Variants in CHCHD3 observed in about 807,000 individuals in gnomAD.
The protein encoded by CHCHD3 is MICOS complex subunit MIC19.
In CHCHD3, 20 loss-of-function variants were observed where a neutral mutation model predicts 38.2. The ratio of observed to expected loss-of-function variants is 0.52; its 90% CI spans 0.37 to 0.76. The LOEUF (loss-of-function observed/expected upper bound fraction) is 0.76. Among genes scored for constraint, CHCHD3 ranks in the 30% least tolerant of loss-of-function variants. The pLI, the probability that CHCHD3 is intolerant of heterozygous loss-of-function variation, is 0.00. For synonymous variants in CHCHD3, 82 were observed against 100.0 expected, an observed-to-expected ratio of 0.82 and a Z score of 1.07; for missense variants, 245 against 279.2, an observed-to-expected ratio of 0.88 and a Z score of 0.87.
chr7:132,811,633 T>C (rs1807072336), intron 6 of CHCHD3, among the ~76,000 whole-genome samples: 1 of 152,198 alleles, frequency 6.6e-6, no homozygotes, highest in Admixed American at 6.5e-5. Flanking sequence ...GGCCTCTAAG[T>C]GGTCAAATCC....
intron 4 of CHCHD3, among the ~76,000 whole-genome samples, chr7:132,947,007 C>G (rs1810918492): frequency 6.6e-6 from 1 of 151,862 alleles, no homozygotes; most frequent in Non-Finnish European, 1.5e-5. Context: ...CAGTTATAAA[C>G]CTTTCCTCTT....
chr7:133,075,588 G>A (rs1443985138), intron 1 of CHCHD3, among the ~76,000 whole-genome samples: 1 of 152,194 alleles, frequency 6.6e-6, no homozygotes, highest in Non-Finnish European at 1.5e-5. Context: ...ACACTCACCT[G>A]ATCTCCTCTG....
chr7:133,025,517 T>G (rs1300904537), intron 2 of CHCHD3, among the ~76,000 whole-genome samples: 1 of 152,206 alleles, frequency 6.6e-6, no homozygotes, highest in Non-Finnish European at 1.5e-5. Context: ...TCTTTGTTTG[T>G]TTGTTGAGAC....
rs535840752 is a variant in CHCHD3 at position 132,887,465 on chromosome 7, A to G, written c.370-1720T>C. On this transcript the variant is annotated intron_variant, in intron 4 of 7. Coordinates refer to ENST00000262570, the MANE Select transcript of CHCHD3 (RefSeq NM_017812.4). ...AAAGAAAATGAAAAAGAATAGACTC[A>G]TAAGAAACTGCATAAAACAAAAGCA... Among the ~76,000 whole-genome samples the G allele has an allele frequency of 2.1e-4, 32 of 151,836 alleles. 3 individuals are homozygous for G. The highest frequency in any genetic ancestry group is 7.2e-4 in the African/African-American group (30 of 41,558).
intron 2 of CHCHD3, among the ~76,000 whole-genome samples, chr7:133,069,796 A>G (rs867561976): frequency 6.6e-6 from 1 of 152,230 alleles, no homozygotes; most frequent in Non-Finnish European, 1.5e-5. Context: ...TAGCAAATCA[A>G]TATTTTCTAA....
chr7:132,793,445 C>A (rs995637041), intron 7 of CHCHD3, among the ~76,000 whole-genome samples: 6 of 152,216 alleles, frequency 3.9e-5, no homozygotes, highest in African/African-American at 1.4e-4. Flanking sequence ...TATTTAATAT[C>A]TCTTTACCCT....
Position 132,919,772 on chromosome 7 carries a change from C to T in CHCHD3, c.370-34027G>A, listed in dbSNP as rs144483022. Among the ~76,000 whole-genome samples, 3 of 152,258 alleles carry T rather than the reference C, an allele frequency of 2.0e-5. No homozygotes were observed. In the East Asian group the frequency reaches 5.8e-4, roughly 29 times the overall value. On this transcript the variant is annotated intron_variant, in intron 4 of 7. Transcript: ENST00000262570. ...TTGCTTCAGCTTTGGCGACTGTGCT[C>T]CTTGGGACCCAAACCGTTAACTCCA...
intron 5 of CHCHD3, among the ~76,000 whole-genome samples, chr7:132,850,813 A>T (rs1808203415): frequency 6.6e-6 from 1 of 152,362 alleles, no homozygotes; most frequent in African/African-American, 2.4e-5. Context: ...AAAGAATTAC[A>T]GTGCCACTGG....
chr7:132,881,234 C>G (rs989615729), intron 5 of CHCHD3, among the ~76,000 whole-genome samples: 4 of 152,124 alleles, frequency 2.6e-5, no homozygotes, highest in Admixed American at 1.3e-4. Context: ...ATATCAGACT[C>G]CTGGGTGAAG....
chr7:132,864,478 ATAT>A (rs1370476383), intron 5 of CHCHD3, among the ~76,000 whole-genome samples: 2 of 152,240 alleles, frequency 1.3e-5, no homozygotes, highest in African/African-American at 2.4e-5. Flanking sequence ...AAAGTTTGAA[ATAT>A]TATGGGAACT....
chr7:132,966,929 G>A (rs1811479713), intron 4 of CHCHD3, among the ~76,000 whole-genome samples: 1 of 152,124 alleles, frequency 6.6e-6, no homozygotes, highest in Non-Finnish European at 1.5e-5. Context: ...CAACAGACCA[G>A]GCAATGAAGT....
intron 5 of CHCHD3, among the ~76,000 whole-genome samples, chr7:132,862,097 G>GATGC (rs1808508118): frequency 6.6e-6 from 1 of 151,742 alleles, no homozygotes. Context: ...TGGATGGATG[G>GATGC]ATGGATGGAT....
intron 6 of CHCHD3, among the ~76,000 whole-genome samples, chr7:132,825,464 A>G (rs1454788284): frequency 6.6e-6 from 1 of 152,180 alleles, no homozygotes; most frequent in Non-Finnish European, 1.5e-5. Context: ...AGTCATGACA[A>G]AGCATTTGGT....
At chr7:132,932,605 C>T (rs970226624) in intron 4 of CHCHD3, among the ~76,000 whole-genome samples, 1 of 152,194 alleles carries the variant, frequency 6.6e-6, no homozygotes, top group Non-Finnish European at 1.5e-5. Context: ...GTTAAGCTGC[C>T]GCACACAGGG....
intron 4 of CHCHD3, among the ~76,000 whole-genome samples, chr7:132,939,092 T>A (rs1810700508): frequency 6.6e-6 from 1 of 152,208 alleles, no homozygotes; most frequent in Non-Finnish European, 1.5e-5. Flanking sequence ...ATAAAACTGG[T>A]CTCGGTCAAC....
chr7:132,918,341 C>A (rs1201253086), intron 4 of CHCHD3, among the ~76,000 whole-genome samples: 3 of 152,144 alleles, frequency 2.0e-5, no homozygotes, highest in Non-Finnish European at 4.4e-5. Flanking sequence ...TGAAGCTAAC[C>A]ATCGGACCCT....
At chr7:133,019,223 C>T (rs1317632553) in intron 3 of CHCHD3, among the ~76,000 whole-genome samples, 1 of 152,086 alleles carries the variant, frequency 6.6e-6, no homozygotes, top group Non-Finnish European at 1.5e-5. Context: ...ATGATGCTAC[C>T]CACAAACTCC....
At chr7:132,921,602 A>G (rs1218269718) in intron 4 of CHCHD3, among the ~76,000 whole-genome samples, 1 of 151,714 alleles carries the variant, frequency 6.6e-6, no homozygotes, top group African/African-American at 2.4e-5. Flanking sequence ...ACCTTTATTA[A>G]ATACAAAACA....
At chr7:132,979,967 A>T (rs1203574541) in intron 3 of CHCHD3, among the ~76,000 whole-genome samples, 1 of 152,158 alleles carries the variant, frequency 6.6e-6, no homozygotes, top group Non-Finnish European at 1.5e-5. Flanking sequence ...GCAAAGAAAA[A>T]CTGCTTATGT....
Sources: gnomAD v4.1 joint callset for allele counts (sites outside exome capture counted in the v4.1 genomes callset) on GRCh38, gnomAD v4.1.1 for gene constraint, MANE v1.5 for transcripts, NCBI Gene and HGNC (gene_info 2026-07-23, HGNC 2026-07-21) for gene names.